The following RNF20 variants were observed in gnomAD, a reference collection of about 807,000 sequenced individuals.
RNF20 encodes the protein ring finger protein 20.
RNF20 carries 84 observed loss-of-function variants against 126.2 expected under a neutral mutation model. The observed-to-expected ratio is 0.67, with a 90% CI of 0.56 to 0.80. The LOEUF (loss-of-function observed/expected upper bound fraction) is 0.80. RNF20 is among the 30% of genes least tolerant of loss of function. RNF20 has a pLI of 0.00. For synonymous variants in RNF20, 400 were observed against 414.3 expected (o/e 0.97, Z 0.42); for missense variants, 869 against 1,188.2 (o/e 0.73, Z 3.95).
intron 2 of RNF20, among the ~76,000 whole-genome samples, chr9:101,539,191 G>A (rs547083312): frequency 2.0e-5 from 3 of 152,284 alleles, no homozygotes; most frequent in Admixed American, 2.0e-4. Flanking sequence ...GCTGGAGAAT[G>A]GGAAATAGCT....
Position 101,562,290 on chromosome 9 carries a change from T to C in RNF20, c.2796T>C (p.Ala932=). ...CPCCNMRKKD[A]VLTKCFHVFC... is the part of the protein sequence containing the mutation. ...GCTGTAACATGCGTAAAAAGGATGC[T>C]GTTCTTACTAAGTGTTTTCATGTCT... Residue 932 remains alanine, a synonymous_variant, in exon 20 of 20, where the codon GCT becomes GCC. Coordinates refer to ENST00000389120, the MANE Select transcript of RNF20 (RefSeq NM_019592.7). The C allele has an allele frequency of 1.2e-6, 2 of 1,614,108 alleles. No individual in the cohort carries two copies. The highest frequency in any genetic ancestry group is 1.7e-6 in the Non-Finnish European group (2 of 1,179,972).
intron 2 of RNF20, among the ~76,000 whole-genome samples, chr9:101,538,527 A>G (rs1827217947): frequency 6.6e-6 from 1 of 152,080 alleles, no homozygotes. Context: ...TAAGGAGGAT[A>G]TTCATCCCTC....
At position 101,540,869 on chromosome 9, in the gene RNF20, G is replaced by T. The variant is rs1260099106; in HGVS notation, c.522G>T (p.Leu174=). 6.2e-7 allele frequency: 1 copy of T among 1,614,020 alleles called. No individual in the cohort carries two copies. Among genetic ancestry groups the T allele is most frequent in the South Asian group, 1.1e-5 (1 of 91,076 alleles). ...SSSSEEMESQ[L]QERVESSRRA... ...CCAGTGAAGAGATGGAGTCTCAGCT[G>T]CAGGAACGTGTGGAGTCTTCCCGCC... The change falls in exon 5 of 20, where the codon CTG becomes CTT. Residue 174 remains leucine (L), a synonymous_variant. Coordinates refer to ENST00000389120, the MANE Select transcript of RNF20 (RefSeq NM_019592.7).
chr9:101,539,324 C>A (rs1202093570), intron 2 of RNF20, among the ~76,000 whole-genome samples: 1 of 152,010 alleles, frequency 6.6e-6, no homozygotes, highest in East Asian at 1.9e-4. Flanking sequence ...ATACTGGGTA[C>A]AGGAATGGAA....
At chr9:101,558,381 G>A (rs62575845) in intron 16 of RNF20, among the ~76,000 whole-genome samples, 11,331 of 152,072 alleles carry the variant, frequency 0.075, 507 homozygotes, top group Middle Eastern at 0.13. Flanking sequence ...TTATGGCTGA[G>A]TAGTATTCCA....
intron 15 of RNF20, among the ~76,000 whole-genome samples, chr9:101,555,474 C>G (rs1260408381): frequency 6.6e-6 from 1 of 151,444 alleles, no homozygotes; most frequent in Non-Finnish European, 1.5e-5. Context: ...TATTAAAATT[C>G]AATAATAAAG....
intron 16 of RNF20, among the ~76,000 whole-genome samples, chr9:101,558,581 T>A (rs1290763782): frequency 6.6e-6 from 1 of 152,186 alleles, no homozygotes; most frequent in Non-Finnish European, 1.5e-5. Context: ...ATTTTTTGAT[T>A]TTTTGATTAT....
At chr9:101,541,032 G>T in intron 5 of RNF20, 57 bp downstream of exon 5, 1 of 1,387,030 alleles carries the variant, frequency 7.2e-7, no homozygotes, top group Non-Finnish European at 1.0e-6. Context: ...ATTCATTTTT[G>T]CATGCTAATT....
chr9:101,540,780 C>T lies in RNF20; in HGVS notation c.446-13C>T, dbSNP rs1827249317. On this transcript the variant is annotated splice_polypyrimidine_tract_variant and intron_variant, in intron 4 of 19. Transcript: ENST00000389120. ...ATTTTGGGGGGCTTCTTTTTTTCCC[C>T]CTGTGTCCTCAGGGGAAGGGCAAGA... is the stretch of plus-strand genomic sequence containing the variant. 1 of 1,607,342 alleles carries T rather than the reference C, an allele frequency of 6.2e-7. No individual in the cohort carries two copies. The highest frequency in any genetic ancestry group is 1.3e-5 in the African/African-American group (1 of 74,236).
chr9:101,554,646 A>G, intron 14 of RNF20, 48 bp from the exon 15 acceptor site: 6 of 1,550,132 alleles, frequency 3.9e-6, no homozygotes, highest in Non-Finnish European at 5.3e-6. Flanking sequence ...TGATTTTTGA[A>G]AATGTGTTAT....
chr9:101,538,791 A>G (rs1338001448), intron 2 of RNF20, among the ~76,000 whole-genome samples: 1 of 152,224 alleles, frequency 6.6e-6, no homozygotes, highest in East Asian at 1.9e-4. Context: ...GTAATAAACA[A>G]TTGTCACTTT....
At chr9:101,551,187 A>G (rs907411822) in intron 10 of RNF20, among the ~76,000 whole-genome samples, 22 of 152,234 alleles carry the variant, frequency 1.4e-4, no homozygotes, top group Non-Finnish European at 2.8e-4. Flanking sequence ...AACAGCACAT[A>G]TAAAGGTATG....
rs1199551009 is a variant in RNF20 at position 101,562,722 on chromosome 9, A to G, written c.*300A>G. On this transcript the variant is annotated 3_prime_UTR_variant, in exon 20 of 20. Coordinates refer to ENST00000389120, the MANE Select transcript of RNF20 (RefSeq NM_019592.7). ...TTTCAGTGTTTTCTTTTTCCAGCCC[A>G]CTGTATAAACTTGGATTGTCCATTC... 1 of 233,042 alleles carries G rather than the reference A, an allele frequency of 4.3e-6. No individual in the cohort carries two copies. Among genetic ancestry groups the G allele is most frequent in the African/African-American group, 2.3e-5 (1 of 44,432 alleles). 14.4% of individuals were successfully genotyped at this position (233,042 alleles called of 1,614,324 possible).
At chr9:101,555,272 A>T (rs1012936068) in intron 15 of RNF20, among the ~76,000 whole-genome samples, 3 of 151,878 alleles carry the variant, frequency 2.0e-5, no homozygotes, top group Non-Finnish European at 4.4e-5. Flanking sequence ...TCTATGTAGT[A>T]CATATACTAC....
At chr9:101,539,451 A>G (rs1827227548) in intron 2 of RNF20, among the ~76,000 whole-genome samples, 1 of 152,184 alleles carries the variant, frequency 6.6e-6, no homozygotes, top group Admixed American at 6.5e-5. Flanking sequence ...TGTACTATAT[A>G]GCATATGATT....
Position 101,562,421 on chromosome 9 carries a change from G to T in RNF20, c.2927G>T (p.Ter976LeuextTer17). 1 of 1,611,328 alleles carries T rather than the reference G, an allele frequency of 6.2e-7. No homozygotes were observed. The change falls in exon 20 of 20, where the codon TGA becomes TTA. Residue 976 changes from the stop codon to leucine (L), a stop_lost. Transcript: ENST00000389120. The part of the protein sequence containing the change: ...ANDFHRIYIG[*>L] ...GATTTTCATCGCATCTACATTGGTTGATCTAAGTCAAGAGAAGAAGAGGAG... is the reference window on the plus strand; with the variant it reads ...GATTTTCATCGCATCTACATTGGTTTATCTAAGTCAAGAGAAGAAGAGGAG...
chr9:101,551,817 C>G lies in RNF20; in HGVS notation c.1406C>G (p.Ala469Gly). The G allele has an allele frequency of 6.2e-7, 1 of 1,605,096 alleles. No individual in the cohort carries two copies. The highest frequency in any genetic ancestry group is 1.1e-5 in the South Asian group (1 of 89,166). The change falls in exon 11 of 20, where the codon GCA becomes GGA. Residue 469 changes from alanine (A) to glycine (G), a missense_variant and splice_region_variant. Physicochemically the swap from Ala to Gly is moderately conservative, Grantham distance 60. Coordinates refer to ENST00000389120, the MANE Select transcript of RNF20 (RefSeq NM_019592.7). ...FEQTLAANEQ[A>G]GPINREMRHL... ...CAGACCCTTGCTGCCAATGAACAAG[C>G]AGGTATAATGATTCTCACTCCATGC... is the stretch of plus-strand genomic sequence containing the variant.
chr9:101,560,170 T>A (rs1037899830), intron 16 of RNF20, among the ~76,000 whole-genome samples: 3 of 152,164 alleles, frequency 2.0e-5, no homozygotes, highest in African/African-American at 4.8e-5. Context: ...TGTGATTTTT[T>A]AAAAATTCTG....
At position 101,546,959 on chromosome 9, in the gene RNF20, TA is replaced by T; in HGVS notation, c.888del (p.Glu297AsnfsTer3). On this transcript the variant is annotated frameshift_variant, in exon 7 of 20. Transcript: ENST00000389120. LOFTEE classifies it high-confidence loss of function. ...CTCAACCGACACTTAGCAGAAGTCC[TA>T]GAACGGGTCAGTGCTGTTTTATGGC... ...QRLNRHLAEV[L>X]ERVNSKGYKV... 6.2e-7 allele frequency: 1 copy of T among 1,614,094 alleles called. No homozygotes were observed. The highest frequency in any genetic ancestry group is 8.5e-7 in the Non-Finnish European group (1 of 1,179,988).
Sources: gnomAD v4.1 joint callset for allele counts (sites outside exome capture counted in the v4.1 genomes callset) on GRCh38, gnomAD v4.1.1 for gene constraint, MANE v1.5 for transcripts, NCBI Gene and HGNC (gene_info 2026-07-23, HGNC 2026-07-21) for gene names.